The following HS6ST3 variants were observed in gnomAD, a reference collection of about 807,000 sequenced individuals.
HS6ST3 encodes heparan-sulfate 6-O-sulfotransferase 3.
HS6ST3 carries 12 observed loss-of-function variants against 36.7 expected under a neutral mutation model. The ratio of observed to expected loss-of-function variants is 0.33; its 90% CI spans 0.21 to 0.53. The LOEUF (loss-of-function observed/expected upper bound fraction) is 0.53, where lower values mean the gene tolerates loss of function less well. HS6ST3 is among the 20% of genes least tolerant of loss of function. HS6ST3 has a pLI of 0.95. For missense variants in HS6ST3, 584 were observed against 640.9 expected (o/e 0.91, Z 0.96); for synonymous variants, 240 against 257.5 (o/e 0.93, Z 0.65).
intron 1 of HS6ST3, among the ~76,000 whole-genome samples, chr13:96,415,854 A>G (rs1594775314): frequency 6.6e-6 from 1 of 152,240 alleles, no homozygotes; most frequent in African/African-American, 2.4e-5. Flanking sequence ...GATCATATTT[A>G]TACTTGATCT....
At chr13:96,719,211 T>A (rs186374616) in intron 1 of HS6ST3, among the ~76,000 whole-genome samples, 2 of 151,492 alleles carry the variant, frequency 1.3e-5, no homozygotes, top group African/African-American at 2.4e-5. Context: ...GAGACGGAGG[T>A]TGCAGTGAGC....
At chr13:96,777,016 G>T (rs549049062) in intron 1 of HS6ST3, among the ~76,000 whole-genome samples, 4 of 152,294 alleles carry the variant, frequency 2.6e-5, no homozygotes, top group Non-Finnish European at 5.9e-5. Context: ...CTTCATCCCT[G>T]GGATGCAAGG....
intron 1 of HS6ST3, among the ~76,000 whole-genome samples, chr13:96,629,208 C>T (rs544651405): frequency 6.6e-6 from 1 of 152,210 alleles, no homozygotes; most frequent in South Asian, 2.1e-4. Flanking sequence ...TCATTTTAAC[C>T]ACTGCCCTCC....
intron 1 of HS6ST3, among the ~76,000 whole-genome samples, chr13:96,473,047 G>A (rs2055846941): frequency 1.3e-5 from 2 of 152,074 alleles, no homozygotes; most frequent in Admixed American, 6.6e-5. Flanking sequence ...GACCCTAAAA[G>A]TCACTTTCCA....
intron 1 of HS6ST3, among the ~76,000 whole-genome samples, chr13:96,800,408 C>T (rs1490860745): frequency 1.3e-5 from 2 of 151,826 alleles, no homozygotes; most frequent in Non-Finnish European, 2.9e-5. Context: ...TATACTACAC[C>T]TATTCCAAAG....
intron 1 of HS6ST3, among the ~76,000 whole-genome samples, chr13:96,256,576 C>G (rs2054638627): frequency 6.6e-6 from 1 of 152,168 alleles, no homozygotes; most frequent in Admixed American, 6.5e-5. Context: ...AGAGCAGAGA[C>G]CACTTTTTCA....
At chr13:96,582,574 CT>C (rs1299782230) in intron 1 of HS6ST3, among the ~76,000 whole-genome samples, 9 of 152,102 alleles carry the variant, frequency 5.9e-5, no homozygotes, top group African/African-American at 2.2e-4. Flanking sequence ...CATGGAGATA[CT>C]GGAGGGATAT....
intron 1 of HS6ST3, among the ~76,000 whole-genome samples, chr13:96,526,715 T>C (rs1369129449): frequency 6.6e-6 from 1 of 152,238 alleles, no homozygotes; most frequent in Non-Finnish European, 1.5e-5. Context: ...TACTAGCTAA[T>C]GTTCATAAGT....
chr13:96,167,989 A>AT (rs1351337908), intron 1 of HS6ST3, among the ~76,000 whole-genome samples: 2 of 152,104 alleles, frequency 1.3e-5, no homozygotes, highest in African/African-American at 2.4e-5. Context: ...ACTTAACACC[A>AT]TTTTTTTCAG....
chr13:96,812,099 C>T (rs1594866163), intron 1 of HS6ST3, among the ~76,000 whole-genome samples: 2 of 152,300 alleles, frequency 1.3e-5, no homozygotes, highest in Admixed American at 1.3e-4. Context: ...GCATCCCAAC[C>T]TTGCACTAGT....
Position 96,527,346 on chromosome 13 carries a change from A to T in HS6ST3, c.708-305144A>T, listed in dbSNP as rs537722888. Among the ~76,000 whole-genome samples, 12 of 152,158 alleles carry T rather than the reference A, an allele frequency of 7.9e-5. No homozygotes were observed. The East Asian group carries it at 1.2e-3, about 15-fold the overall frequency. On this transcript the variant is annotated intron_variant, in intron 1 of 1. Coordinates refer to ENST00000376705, the MANE Select transcript of HS6ST3 (RefSeq NM_153456.4). ...AACAGTGTTTAAGGGATTTTTTTTT[A>T]AAGTAAGTTAATCTATTCGGATAAT...
intron 1 of HS6ST3, among the ~76,000 whole-genome samples, chr13:96,435,899 A>G (rs1165391438): frequency 6.6e-6 from 1 of 152,160 alleles, no homozygotes; most frequent in South Asian, 2.1e-4. Flanking sequence ...TAATGATCTC[A>G]ACTATAGTAA....
At chr13:96,324,209 T>A (rs193021297) in intron 1 of HS6ST3, among the ~76,000 whole-genome samples, 2 of 152,302 alleles carry the variant, frequency 1.3e-5, no homozygotes, top group East Asian at 1.9e-4. Context: ...CTCCAAAAAC[T>A]TTATTGAGTG....
intron 1 of HS6ST3, among the ~76,000 whole-genome samples, chr13:96,272,783 C>T (rs1023662225): frequency 6.6e-6 from 1 of 151,830 alleles, no homozygotes. Context: ...TAGGTCTTAC[C>T]AGGTGAGTGA....
chr13:96,135,933 AAAAG>A (rs2053999475), intron 1 of HS6ST3, among the ~76,000 whole-genome samples: 3 of 152,142 alleles, frequency 2.0e-5, no homozygotes, highest in Non-Finnish European at 4.4e-5. Flanking sequence ...CACTTACCCC[AAAAG>A]AAAGGGCCTC....
At chr13:96,229,049 C>T (rs1333326987) in intron 1 of HS6ST3, among the ~76,000 whole-genome samples, 1 of 152,152 alleles carries the variant, frequency 6.6e-6, no homozygotes, top group East Asian at 1.9e-4. Flanking sequence ...TTCAAGTTAT[C>T]ATAAGGGAGC....
chr13:96,597,006 AAAAC>A (rs1233794406), intron 1 of HS6ST3, among the ~76,000 whole-genome samples: 1 of 152,214 alleles, frequency 6.6e-6, no homozygotes, highest in Admixed American at 6.5e-5. Context: ...GCAGCCATAA[AAAAC>A]AAACAAAGTG....
intron 1 of HS6ST3, among the ~76,000 whole-genome samples, chr13:96,599,220 A>G (rs149638002): frequency 2.9e-3 from 448 of 152,134 alleles, no homozygotes; most frequent in African/African-American, 9.9e-3. Context: ...AATTGTATCA[A>G]TTCTTCTTTG....
chr13:96,462,131 G>T (rs1191018817), intron 1 of HS6ST3, among the ~76,000 whole-genome samples: 1 of 152,148 alleles, frequency 6.6e-6, no homozygotes, highest in African/African-American at 2.4e-5. Flanking sequence ...GTGCAGTAGT[G>T]TGATCATGGC....
Sources: allele counts gnomAD v4.1 joint callset (sites outside exome capture counted in the v4.1 genomes callset), GRCh38; gene constraint gnomAD v4.1.1; transcripts MANE v1.5; gene names NCBI Gene and HGNC (gene_info 2026-07-23, HGNC 2026-07-21).